BICC1: variants seen among roughly 807,000 people sequenced by gnomAD.
BICC1 encodes protein bicaudal C homolog 1.
Under a neutral mutation model 111.0 loss-of-function variants are expected in BICC1, and 43 were observed. The ratio of observed to expected loss-of-function variants is 0.39; its 90% confidence interval spans 0.30 to 0.50. BICC1 has a LOEUF of 0.50. Ranked by LOEUF, BICC1 falls within the 20% of genes least tolerant of loss-of-function variation. The probability of loss-of-function intolerance (pLI) is 0.88; values close to 1 mark genes in which losing one functional copy is unlikely to be tolerated. For missense variants in BICC1, 1,091 were observed against 1,203.2 expected (o/e 0.91, Z 1.38); for synonymous variants, 467 against 434.4 (o/e 1.07, Z -0.93).
intron 3 of BICC1, among the ~76,000 whole-genome samples, chr10:58,704,708 G>A (rs1391092000): frequency 2.0e-5 from 3 of 152,120 alleles, no homozygotes; most frequent in African/African-American, 7.2e-5. Context: ...GACTCATGCC[G>A]TGTTTTGGAT....
chr10:58,554,276 T>C (rs982795104), intron 1 of BICC1, among the ~76,000 whole-genome samples: 1 of 152,124 alleles, frequency 6.6e-6, no homozygotes, highest in African/African-American at 2.4e-5. Flanking sequence ...TGATGAGCTC[T>C]ATTAGCTTAT....
At chr10:58,796,217 G>T in intron 9 of BICC1, 123 bp from the exon 10 acceptor site, 1 of 781,842 alleles carries the variant, frequency 1.3e-6, no homozygotes, top group Non-Finnish European at 2.1e-6. Context: ...TTTAAAAGCA[G>T]CATTGATATG....
intron 2 of BICC1, among the ~76,000 whole-genome samples, chr10:58,682,806 G>A (rs10763575): frequency 1 from 151,939 of 152,314 alleles, 75,783 homozygotes; most frequent in Middle Eastern, 1. Context: ...GGTAGATTGT[G>A]AAAATTTTCT....
intron 1 of BICC1, among the ~76,000 whole-genome samples, chr10:58,562,057 T>C (rs868091090): frequency 4.6e-5 from 7 of 152,140 alleles, no homozygotes; most frequent in Middle Eastern, 3.2e-3. Context: ...CTCTCTTTGT[T>C]TTTGACTTTT....
chr10:58,705,771 G>T (rs893719549), intron 3 of BICC1, among the ~76,000 whole-genome samples: 2 of 152,210 alleles, frequency 1.3e-5, no homozygotes, highest in Non-Finnish European at 2.9e-5. Flanking sequence ...TACTGGTGGA[G>T]ATTGGGCTTT....
chr10:58,771,521 C>T (rs1842622005), intron 3 of BICC1, among the ~76,000 whole-genome samples: 1 of 152,008 alleles, frequency 6.6e-6, no homozygotes, highest in Non-Finnish European at 1.5e-5. Flanking sequence ...GGGAAACCAG[C>T]GGAGGTAGAG....
At chr10:58,748,189 C>T (rs1235096114) in intron 3 of BICC1, among the ~76,000 whole-genome samples, 2 of 152,018 alleles carry the variant, frequency 1.3e-5, no homozygotes, top group Non-Finnish European at 2.9e-5. Flanking sequence ...TGTCTCAAAT[C>T]GAGTGACTTT....
intron 2 of BICC1, among the ~76,000 whole-genome samples, chr10:58,623,628 T>A (rs1205911015): frequency 6.6e-6 from 1 of 152,190 alleles, no homozygotes; most frequent in Non-Finnish European, 1.5e-5. Flanking sequence ...GGTAGCTGTG[T>A]CCCATGCTGT....
chr10:58,788,466 C>T (rs1286304831), intron 6 of BICC1, 43 bp downstream of exon 6: 2 of 1,330,486 alleles, frequency 1.5e-6, no homozygotes, highest in African/African-American at 2.9e-5. Flanking sequence ...ATGTCAGCAA[C>T]ATTTGCATTA....
chr10:58,729,272 C>G (rs1564578732), intron 3 of BICC1, among the ~76,000 whole-genome samples: 1 of 152,200 alleles, frequency 6.6e-6, no homozygotes, highest in Non-Finnish European at 1.5e-5. Context: ...GCTAGATCTT[C>G]TGGATAACTT....
At chr10:58,808,538 G>T (rs940952336) in intron 17 of BICC1, among the ~76,000 whole-genome samples, 1 of 151,988 alleles carries the variant, frequency 6.6e-6, no homozygotes, top group Non-Finnish European at 1.5e-5. Context: ...TGTTCATTTC[G>T]GTAATGGAGT....
chr10:58,518,989 A>G (rs1842320294), intron 1 of BICC1, among the ~76,000 whole-genome samples: 1 of 152,208 alleles, frequency 6.6e-6, no homozygotes, highest in Non-Finnish European at 1.5e-5. Flanking sequence ...ACAGGCAAGA[A>G]TGTATTTGGC....
intron 3 of BICC1, among the ~76,000 whole-genome samples, chr10:58,713,422 A>G (rs905005273): frequency 6.6e-6 from 1 of 152,226 alleles, no homozygotes; most frequent in Non-Finnish European, 1.5e-5. Flanking sequence ...AGGCATTATA[A>G]TAGATGCCTG....
intron 2 of BICC1, among the ~76,000 whole-genome samples, chr10:58,678,607 G>T (rs1839419508): frequency 6.6e-6 from 1 of 152,148 alleles, no homozygotes; most frequent in African/African-American, 2.4e-5. Flanking sequence ...ACACCCCACT[G>T]TCAGTATTAG....
intron 1 of BICC1, among the ~76,000 whole-genome samples, chr10:58,558,410 G>A (rs1843514170): frequency 6.6e-6 from 1 of 152,022 alleles, no homozygotes; most frequent in African/African-American, 2.4e-5. Context: ...CTTGCTTCAT[G>A]CTTTTCGCGT....
chr10:58,638,447 G>A lies in BICC1; in HGVS notation c.237+17546G>A, dbSNP rs147796050. The stretch of plus-strand genomic sequence containing the variant: ...GCTGCAGTTAAAGGAAAAAAGGCTC[G>A]TTTATTTGACTCTTGCCTTCTTTGC... On this transcript the variant is annotated intron_variant, in intron 2 of 20. Coordinates refer to ENST00000373886, the MANE Select transcript of BICC1 (RefSeq NM_001080512.3). 4.4e-3 allele frequency among the ~76,000 whole-genome samples: 671 copies of A among 152,242 alleles called. 3 individuals carry two copies. Among genetic ancestry groups the A allele is most frequent in the African/African-American group, 0.015 (607 of 41,544 alleles).
chr10:58,553,323 G>A (rs1033853352), intron 1 of BICC1, among the ~76,000 whole-genome samples: 1 of 152,190 alleles, frequency 6.6e-6, no homozygotes, highest in Non-Finnish European at 1.5e-5. Context: ...AAAGAGGGAG[G>A]CAAAGGAGTT....
At chr10:58,629,553 A>T (rs1042766236) in intron 2 of BICC1, among the ~76,000 whole-genome samples, 1 of 152,208 alleles carries the variant, frequency 6.6e-6, no homozygotes, top group Non-Finnish European at 1.5e-5. Flanking sequence ...GGGACAACCA[A>T]AAGGCTGGGG....
chr10:58,823,323 C>T, intron 20 of BICC1: 1 of 985,216 alleles, frequency 1.0e-6, no homozygotes, highest in Non-Finnish European at 1.2e-6. Context: ...TTTCCCAAAC[C>T]ATCCCGTAGG....
Sources: allele counts gnomAD v4.1 joint callset (sites outside exome capture counted in the v4.1 genomes callset), GRCh38; gene constraint gnomAD v4.1.1; transcripts MANE v1.5; gene names NCBI Gene and HGNC (gene_info 2026-07-23, HGNC 2026-07-21).